Variants in AUH observed in about 807,000 individuals in gnomAD.
AUH encodes the protein AU RNA binding methylglutaconyl-CoA hydratase.
Under a neutral mutation model 42.3 loss-of-function variants are expected in AUH, and 29 were observed. That is an observed-to-expected ratio of 0.69 (90% CI 0.51 to 0.93). The LOEUF (loss-of-function observed/expected upper bound fraction) is 0.93. Ranked by LOEUF, AUH falls within the 40% of genes least tolerant of loss-of-function variation. The pLI, the probability that AUH is intolerant of heterozygous loss-of-function variation, is 0.00. For synonymous variants in AUH, 174 were observed against 166.4 expected (o/e 1.05, Z -0.35); for missense variants, 452 against 438.1 (o/e 1.03, Z -0.28).
intron 6 of AUH, among the ~76,000 whole-genome samples, chr9:91,279,574 G>A (rs1349102328): frequency 1.3e-5 from 2 of 152,158 alleles, no homozygotes; most frequent in African/African-American, 4.8e-5. Context: ...CATATGGTGA[G>A]AGCAGGAGCA....
At chr9:91,250,770 G>A (rs1288590721) in intron 6 of AUH, among the ~76,000 whole-genome samples, 3 of 152,202 alleles carry the variant, frequency 2.0e-5, no homozygotes, top group Non-Finnish European at 4.4e-5. Flanking sequence ...AATCACTGAT[G>A]TCCTCCGTCT....
chr9:91,222,030 CAGGAAA>C (rs772988242), intron 6 of AUH, among the ~76,000 whole-genome samples: 2 of 137,030 alleles, frequency 1.5e-5, no homozygotes, highest in African/African-American at 2.7e-5. Flanking sequence ...CCTTGCAGAG[CAGGAAA>C]AGCAAACTGA....
At chr9:91,235,955 T>G (rs1170782884) in intron 6 of AUH, among the ~76,000 whole-genome samples, 2 of 152,192 alleles carry the variant, frequency 1.3e-5, no homozygotes, top group Non-Finnish European at 2.9e-5. Flanking sequence ...GCTGCTGACC[T>G]TATCAATCCT....
chr9:91,226,708 C>A lies in AUH; in HGVS notation c.656-5716G>T, dbSNP rs1175611267. On this transcript the variant is annotated intron_variant, in intron 6 of 9. Coordinates refer to ENST00000375731, the MANE Select transcript of AUH (RefSeq NM_001698.3). ...AGGTCTAACGTTTAAGTCTTTAATC[C>A]ATCTTGAATTGATTTTTGTATAAGG... Among the ~76,000 whole-genome samples the A allele has an allele frequency of 5.0e-5, 6 of 118,910 alleles. No individual in the cohort carries two copies. The East Asian group carries it at 1.2e-3, about 24-fold the overall frequency. The allele number at this position is 118,910 out of a possible 152,430, so 78.0% of individuals were successfully genotyped here.
At chr9:91,226,607 T>C (rs1311852009) in intron 6 of AUH, among the ~76,000 whole-genome samples, 2 of 128,816 alleles carry the variant, frequency 1.6e-5, no homozygotes, top group Admixed American at 8.3e-5. Context: ...TTTGGTGTTT[T>C]AGACATGAAG....
chr9:91,293,111 G>A (rs1233154082), intron 6 of AUH, among the ~76,000 whole-genome samples: 4 of 152,052 alleles, frequency 2.6e-5, no homozygotes, highest in Non-Finnish European at 5.9e-5. Flanking sequence ...TCAACCAACG[G>A]GCTGTTCCCC....
At chr9:91,311,760 T>C (rs567505677) in intron 4 of AUH, among the ~76,000 whole-genome samples, 88 of 152,270 alleles carry the variant, frequency 5.8e-4, no homozygotes, top group Middle Eastern at 6.8e-3. Context: ...CACGAACTAC[T>C]GGAAGGAAGG....
intron 3 of AUH, among the ~76,000 whole-genome samples, chr9:91,346,252 T>C (rs1831500661): frequency 6.6e-6 from 1 of 152,078 alleles, no homozygotes; most frequent in Non-Finnish European, 1.5e-5. Flanking sequence ...TACCCACACC[T>C]TCAGGGAGTG....
chr9:91,214,686 C>T (rs1198563415), intron 9 of AUH, among the ~76,000 whole-genome samples: 2 of 152,184 alleles, frequency 1.3e-5, no homozygotes, highest in Admixed American at 6.5e-5. Flanking sequence ...CTATTATATA[C>T]ATCCAATGCT....
At chr9:91,341,833 T>C (rs184427103) in intron 3 of AUH, among the ~76,000 whole-genome samples, 1 of 152,202 alleles carries the variant, frequency 6.6e-6, no homozygotes. Flanking sequence ...AAAAATGTGA[T>C]GGAGGCTGGG....
chr9:91,258,610 C>T (rs974059799), intron 6 of AUH, among the ~76,000 whole-genome samples: 24 of 152,284 alleles, frequency 1.6e-4, no homozygotes, highest in African/African-American at 4.8e-4. Context: ...ATAAGAGTGA[C>T]GAGAGTGGAC....
intron 4 of AUH, among the ~76,000 whole-genome samples, chr9:91,321,487 C>G (rs772021766): frequency 1.3e-5 from 2 of 151,970 alleles, no homozygotes; most frequent in East Asian, 3.9e-4. Context: ...AAGCGAAGAC[C>G]TTAAAATTAA....
chr9:91,327,550 C>T (rs1444660964), intron 3 of AUH, among the ~76,000 whole-genome samples: 2 of 152,164 alleles, frequency 1.3e-5, no homozygotes, highest in African/African-American at 4.8e-5. Context: ...TGAGAGCTTT[C>T]CTTATGTCAC....
chr9:91,349,832 A>C (rs1402223768), intron 3 of AUH, among the ~76,000 whole-genome samples: 1 of 152,248 alleles, frequency 6.6e-6, no homozygotes, highest in Non-Finnish European at 1.5e-5. Context: ...CCAATGCTTC[A>C]CAAGAAGCTT....
At chr9:91,216,020 A>G in intron 9 of AUH, 39 bp downstream of exon 9, 1 of 1,569,772 alleles carries the variant, frequency 6.4e-7, no homozygotes, top group Non-Finnish European at 8.8e-7. Flanking sequence ...TATAATTTGT[A>G]AGGGTCATCC....
intron 3 of AUH, among the ~76,000 whole-genome samples, chr9:91,349,784 C>T (rs1345787825): frequency 2.0e-5 from 3 of 152,022 alleles, no homozygotes; most frequent in Admixed American, 2.0e-4. Flanking sequence ...TGTAAGGAGG[C>T]AGCACACATT....
intron 6 of AUH, among the ~76,000 whole-genome samples, chr9:91,274,367 T>C (rs527900108): frequency 6.6e-6 from 1 of 152,296 alleles, no homozygotes; most frequent in African/African-American, 2.4e-5. Context: ...TGATGACACA[T>C]CAATGACCTC....
chr9:91,224,251 T>A (rs1179315160), intron 6 of AUH, among the ~76,000 whole-genome samples: 2 of 152,234 alleles, frequency 1.3e-5, no homozygotes, highest in Admixed American at 1.3e-4. Context: ...CATCCATATA[T>A]TGTCTTTGGA....
chr9:91,220,280 C>T (rs1827058027), intron 7 of AUH, among the ~76,000 whole-genome samples: 1 of 152,234 alleles, frequency 6.6e-6, no homozygotes, highest in South Asian at 2.1e-4. Context: ...CCTACACCAC[C>T]ATAGGCAAAC....
Sources: gnomAD v4.1 joint callset for allele counts (sites outside exome capture counted in the v4.1 genomes callset) on GRCh38, gnomAD v4.1.1 for gene constraint, MANE v1.5 for transcripts, NCBI Gene and HGNC (gene_info 2026-07-23, HGNC 2026-07-21) for gene names.